WDR49: variants seen among roughly 807,000 people sequenced by gnomAD.
WDR49 encodes cilia- and flagella-associated protein 337.
WDR49 carries 107 observed loss-of-function variants against 119.5 expected under a neutral mutation model. That is an observed-to-expected ratio of 0.90 (90% confidence interval 0.77 to 1.05). The LOEUF is 1.05. WDR49 is among the 50% of genes least tolerant of loss of function. WDR49 has a pLI of 0.00. For missense variants in WDR49, 1,240 were observed against 1,220.5 expected, an observed-to-expected ratio of 1.02 and a Z score of -0.24; for synonymous variants, 425 against 418.8, an observed-to-expected ratio of 1.01 and a Z score of -0.18.
intron 2 of WDR49, among the ~76,000 whole-genome samples, chr3:167,649,099 T>C (rs1452002807): frequency 6.6e-6 from 1 of 151,760 alleles, no homozygotes; most frequent in Non-Finnish European, 1.5e-5. Flanking sequence ...CAAAAATGAG[T>C]AATTTTATTT....
rs552272919 is a variant in WDR49 at position 167,533,986 on chromosome 3, G to C, written c.1955-1009C>G. On this transcript the variant is annotated intron_variant, in intron 11 of 18. Coordinates refer to ENST00000682715, the MANE Select transcript of WDR49 (RefSeq NM_001366157.1). ...GGGCAGATCAGGAGGTCAGGAGTTC[G>C]AGACCAGCCTGGCCAACATGGTGAA... Among the ~76,000 whole-genome samples the C allele has an allele frequency of 7.9e-5, 12 of 151,804 alleles. 1 individual carries two copies. Among genetic ancestry groups the C allele is most frequent in the Admixed American group, 7.9e-4 (12 of 15,246 alleles).
intron 7 of WDR49, among the ~76,000 whole-genome samples, chr3:167,583,246 T>C (rs1055306621): frequency 6.6e-6 from 1 of 152,094 alleles, no homozygotes; most frequent in Non-Finnish European, 1.5e-5. Flanking sequence ...TTAAAACTCT[T>C]TAAATTTTAA....
chr3:167,509,637 C>A (rs1218795944), intron 16 of WDR49, among the ~76,000 whole-genome samples: 1 of 152,112 alleles, frequency 6.6e-6, no homozygotes, highest in Non-Finnish European at 1.5e-5. Context: ...GCAAGATGAC[C>A]TTTAGCAAGA....
chr3:167,547,394 TG>T (rs1463408794), intron 10 of WDR49, among the ~76,000 whole-genome samples: 2 of 151,770 alleles, frequency 1.3e-5, no homozygotes, highest in African/African-American at 4.8e-5. Context: ...TGAAAGATTC[TG>T]TTTTTTTATG....
rs1395288657 is a variant in WDR49 at position 167,617,595 on chromosome 3, A to C, written c.958+2834T>G. Among the ~76,000 whole-genome samples the C allele has an allele frequency of 5.3e-5, 8 of 152,162 alleles. No homozygotes were observed. The East Asian group carries it at 1.5e-3, about 29-fold the overall frequency. On this transcript the variant is annotated intron_variant, in intron 5 of 18. Transcript: ENST00000682715. The stretch of plus-strand genomic sequence containing the variant: ...AAGAAAGACTTGTCTTTAGTTGCAG[A>C]ATCTGGGGTATCTCAGAATGAACAA...
At chr3:167,560,738 C>T (rs911528919) in intron 8 of WDR49, among the ~76,000 whole-genome samples, 1 of 150,180 alleles carries the variant, frequency 6.7e-6, no homozygotes, top group African/African-American at 2.5e-5. Flanking sequence ...TTTTCCCAAA[C>T]TACTGTGTAT....
intron 5 of WDR49, among the ~76,000 whole-genome samples, chr3:167,607,179 A>T (rs940750269): frequency 3.3e-5 from 5 of 152,184 alleles, no homozygotes; most frequent in Admixed American, 2.0e-4. Context: ...TTACACTAAT[A>T]GTAGGGGAAT....
rs1713177631 is a variant in WDR49 at position 167,560,123 on chromosome 3, T to C, written c.1615A>G (p.Met539Val). 1 of 1,614,220 alleles carries C rather than the reference T, an allele frequency of 6.2e-7. No individual in the cohort carries two copies. Among genetic ancestry groups the C allele is most frequent in the Non-Finnish European group, 8.5e-7 (1 of 1,180,042 alleles). The change falls in exon 9 of 19, where the codon ATG becomes GTG. Residue 539 changes from methionine to valine, a missense_variant. Physicochemically the swap from Met to Val is conservative, Grantham distance 21. Coordinates refer to ENST00000682715, the MANE Select transcript of WDR49 (RefSeq NM_001366157.1). The part of the protein sequence containing the change: ...GCHGNAEIST[M>V]ALDANETRLL... The stretch of plus-strand genomic sequence containing the variant: ...CGAGTCTCATTTGCATCAAGGGCCA[T>C]AGTGCTGATTTCTGCGTTGCCGTGG...
intron 10 of WDR49, among the ~76,000 whole-genome samples, chr3:167,544,298 GA>G (rs2108256172): frequency 6.6e-6 from 1 of 151,966 alleles, no homozygotes; most frequent in East Asian, 1.9e-4. Context: ...ATTCTTCACA[GA>G]ATTAGAAAAA....
At chr3:167,495,902 A>G (rs1751337354) in intron 18 of WDR49, among the ~76,000 whole-genome samples, 1 of 144,550 alleles carries the variant, frequency 6.9e-6, no homozygotes, top group Non-Finnish European at 1.5e-5. Flanking sequence ...AAAAAAAAAA[A>G]AAAAGCAACA....
intron 7 of WDR49, among the ~76,000 whole-genome samples, chr3:167,595,278 A>C (rs1042096837): frequency 1.3e-5 from 2 of 152,250 alleles, no homozygotes; most frequent in African/African-American, 4.8e-5. Context: ...AATATCGTGA[A>C]AATGGCCATA....
chr3:167,590,032 T>A (rs1483343114), intron 7 of WDR49, among the ~76,000 whole-genome samples: 1 of 152,100 alleles, frequency 6.6e-6, no homozygotes, highest in Non-Finnish European at 1.5e-5. Context: ...TATTAGCTGT[T>A]GGTCTTTTAT....
intron 6 of WDR49, among the ~76,000 whole-genome samples, chr3:167,603,769 C>T (rs1473325575): frequency 2.0e-5 from 3 of 151,982 alleles, no homozygotes; most frequent in Non-Finnish European, 4.4e-5. Context: ...TTTTTTACAT[C>T]AAAAGAACTC....
At chr3:167,495,756 C>T (rs1229781263) in intron 18 of WDR49, among the ~76,000 whole-genome samples, 3 of 150,996 alleles carry the variant, frequency 2.0e-5, no homozygotes, top group East Asian at 1.9e-4. Context: ...CACAGTAAAA[C>T]ATCTGAAAAC....
At chr3:167,491,814 G>A (rs950746698) in intron 18 of WDR49, among the ~76,000 whole-genome samples, 1 of 152,088 alleles carries the variant, frequency 6.6e-6, no homozygotes, top group Admixed American at 6.6e-5. Context: ...AACCAACTGG[G>A]AGCAACTTGA....
intron 11 of WDR49, among the ~76,000 whole-genome samples, chr3:167,533,431 G>T (rs957717584): frequency 6.6e-6 from 1 of 152,066 alleles, no homozygotes; most frequent in Admixed American, 6.6e-5. Flanking sequence ...TGAGCATATT[G>T]TAAGTACTGG....
chr3:167,527,413 G>GT (rs140992653), intron 15 of WDR49, among the ~76,000 whole-genome samples: 8 of 150,848 alleles, frequency 5.3e-5, no homozygotes, highest in South Asian at 2.1e-4. Flanking sequence ...AGGATGATTG[G>GT]TTTTTTTTTC....
intron 5 of WDR49, among the ~76,000 whole-genome samples, chr3:167,616,097 T>C (rs975350137): frequency 6.6e-6 from 1 of 152,206 alleles, no homozygotes; most frequent in African/African-American, 2.4e-5. Context: ...TGCCAGTGCT[T>C]ACTATGGTGC....
At chr3:167,538,426 T>C (rs1319919832) in intron 10 of WDR49, among the ~76,000 whole-genome samples, 1 of 152,098 alleles carries the variant, frequency 6.6e-6, no homozygotes, top group Non-Finnish European at 1.5e-5. Context: ...TACATATTCG[T>C]TTCTTACTAT....
Sources: allele counts gnomAD v4.1 joint callset (sites outside exome capture counted in the v4.1 genomes callset), GRCh38; gene constraint gnomAD v4.1.1; transcripts MANE v1.5; gene names NCBI Gene and HGNC (gene_info 2026-07-23, HGNC 2026-07-21).